The following ARHGAP15 variants were observed in gnomAD, a reference collection of about 807,000 sequenced individuals.
ARHGAP15 encodes the protein rho GTPase-activating protein 15.
In ARHGAP15, 51 loss-of-function variants were observed where a neutral mutation model predicts 63.7. The ratio of observed to expected loss-of-function variants is 0.80; its 90% CI spans 0.64 to 1.01. The LOEUF (loss-of-function observed/expected upper bound fraction) is 1.01, where lower values mean the gene tolerates loss of function less well. Among genes scored for constraint, ARHGAP15 ranks in the 50% least tolerant of loss-of-function variants. ARHGAP15 has a pLI of 0.00. For missense variants in ARHGAP15, 560 were observed against 564.6 expected (o/e 0.99, Z 0.08); for synonymous variants, 191 against 193.8 (o/e 0.99, Z 0.12).
At chr2:143,302,920 A>C (rs1682973825) in intron 6 of ARHGAP15, among the ~76,000 whole-genome samples, 2 of 152,076 alleles carry the variant, frequency 1.3e-5, no homozygotes, top group South Asian at 4.1e-4. Flanking sequence ...TAAGTATAAA[A>C]TTACAAGGTA....
chr2:143,735,394 A>C (rs1337227474), intron 13 of ARHGAP15, among the ~76,000 whole-genome samples: 1 of 152,168 alleles, frequency 6.6e-6, no homozygotes, highest in African/African-American at 2.4e-5. Context: ...ATTGCATAGA[A>C]TTTGTTTCTT....
At chr2:143,157,436 G>T (rs1349474444) in intron 2 of ARHGAP15, among the ~76,000 whole-genome samples, 2 of 151,740 alleles carry the variant, frequency 1.3e-5, no homozygotes, top group Non-Finnish European at 2.9e-5. Flanking sequence ...ACTTTAGTTT[G>T]GGGGGTTGTA....
intron 13 of ARHGAP15, among the ~76,000 whole-genome samples, chr2:143,727,091 T>TTCC (rs1685314357): frequency 6.6e-6 from 1 of 152,164 alleles, no homozygotes; most frequent in Non-Finnish European, 1.5e-5. Context: ...AAGCTTTGCC[T>TTCC]TCCAACTCCA....
At chr2:143,599,200 G>A (rs1222645438) in intron 11 of ARHGAP15, among the ~76,000 whole-genome samples, 1 of 152,104 alleles carries the variant, frequency 6.6e-6, no homozygotes, top group Non-Finnish European at 1.5e-5. Context: ...TCATGTATTT[G>A]TCTATTCACC....
At chr2:143,542,505 G>T (rs780411216) in intron 10 of ARHGAP15, among the ~76,000 whole-genome samples, 1 of 151,330 alleles carries the variant, frequency 6.6e-6, no homozygotes, top group African/African-American at 2.4e-5. Context: ...GTTCCTATTC[G>T]GCCATCTTGG....
intron 11 of ARHGAP15, among the ~76,000 whole-genome samples, chr2:143,580,350 A>G (rs2105142675): frequency 6.6e-6 from 1 of 152,274 alleles, no homozygotes; most frequent in East Asian, 1.9e-4. Flanking sequence ...AGAGGTCAAC[A>G]TATTCTCCAG....
chr2:143,282,075 T>A (rs1280120293), intron 6 of ARHGAP15, among the ~76,000 whole-genome samples: 1 of 152,124 alleles, frequency 6.6e-6, no homozygotes, highest in Non-Finnish European at 1.5e-5. Context: ...TTTAAAATTG[T>A]GTTTCTAATC....
intron 6 of ARHGAP15, among the ~76,000 whole-genome samples, chr2:143,277,474 C>A (rs1681617293): frequency 6.6e-6 from 1 of 151,848 alleles, no homozygotes; most frequent in South Asian, 2.1e-4. Context: ...ACAGATAGAA[C>A]TTTTACTTTT....
At chr2:143,545,994 G>T (rs1695312244) in intron 10 of ARHGAP15, among the ~76,000 whole-genome samples, 1 of 152,206 alleles carries the variant, frequency 6.6e-6, no homozygotes, top group Admixed American at 6.5e-5. Flanking sequence ...TTGCTGAAAG[G>T]CTAGAACAGC....
chr2:143,442,268 G>A (rs1013998367), intron 8 of ARHGAP15, among the ~76,000 whole-genome samples: 1 of 152,088 alleles, frequency 6.6e-6, no homozygotes, highest in East Asian at 1.9e-4. Context: ...GTTTTCACAA[G>A]GAAACCATGT....
At chr2:143,708,126 T>G (rs1476774376) in intron 13 of ARHGAP15, among the ~76,000 whole-genome samples, 1 of 152,146 alleles carries the variant, frequency 6.6e-6, no homozygotes, top group East Asian at 1.9e-4. Context: ...CTTGGCCAAT[T>G]CATTCAACTC....
At position 143,632,580 on chromosome 2, in the gene ARHGAP15, C is replaced by A. The variant is rs564392231; in HGVS notation, c.1138+8313C>A. Among the ~76,000 whole-genome samples, 3 of 152,186 alleles carry A rather than the reference C, an allele frequency of 2.0e-5. No homozygotes were observed. The South Asian group carries it at 6.2e-4, about 32-fold the overall frequency. The stretch of plus-strand genomic sequence containing the variant: ...AGATCAACTGAGCACCATTAAAATG[C>A]AGACTATTAGCCACCAAAAGTAGAG... On this transcript the variant is annotated intron_variant, in intron 12 of 13. Coordinates refer to ENST00000295095, the MANE Select transcript of ARHGAP15 (RefSeq NM_018460.4).
At chr2:143,628,222 A>T (rs1396701264) in intron 12 of ARHGAP15, among the ~76,000 whole-genome samples, 1 of 152,020 alleles carries the variant, frequency 6.6e-6, no homozygotes, top group Non-Finnish European at 1.5e-5. Context: ...TATCCAGTCC[A>T]CCATCACTGG....
At chr2:143,422,424 A>C (rs982594237) in intron 6 of ARHGAP15, among the ~76,000 whole-genome samples, 7 of 152,134 alleles carry the variant, frequency 4.6e-5, no homozygotes, top group Admixed American at 3.9e-4. Flanking sequence ...CAGGCAAAAA[A>C]CTATAGTTGG....
At chr2:143,685,878 A>G (rs550702230) in intron 12 of ARHGAP15, among the ~76,000 whole-genome samples, 2 of 152,320 alleles carry the variant, frequency 1.3e-5, no homozygotes, top group African/African-American at 4.8e-5. Flanking sequence ...GGCCAGGTCT[A>G]GTCCTATTCA....
chr2:143,621,894 C>G (rs1698659565), intron 11 of ARHGAP15, among the ~76,000 whole-genome samples: 1 of 152,104 alleles, frequency 6.6e-6, no homozygotes, highest in Non-Finnish European at 1.5e-5. Context: ...AAGTTAAAAT[C>G]ATTCTCTTTT....
intron 12 of ARHGAP15, among the ~76,000 whole-genome samples, chr2:143,656,920 A>G (rs2105311739): frequency 8.8e-6 from 1 of 113,762 alleles, no homozygotes; most frequent in Middle Eastern, 4.4e-3. Flanking sequence ...CAAGGTTTCT[A>G]AGACAAAGTT....
Position 143,498,848 on chromosome 2 carries a change from G to T in ARHGAP15, c.826+11353G>T, listed in dbSNP as rs1485275421. Among the ~76,000 whole-genome samples the T allele has an allele frequency of 2.6e-5, 4 of 152,106 alleles. No individual in the cohort carries two copies. In the East Asian group the frequency reaches 7.7e-4, roughly 29 times the overall value. ...AACCATATTTTCCAAACACAAAATT[G>T]AGACACATGGCCTGACAATGCCATA... On this transcript the variant is annotated intron_variant, in intron 9 of 13. Transcript: ENST00000295095.
At chr2:143,733,897 C>T (rs1018226259) in intron 13 of ARHGAP15, among the ~76,000 whole-genome samples, 1 of 152,044 alleles carries the variant, frequency 6.6e-6, no homozygotes, top group African/African-American at 2.4e-5. Context: ...ACAAAATTTT[C>T]TTAAAAAATT....
Sources: gnomAD v4.1 joint callset for allele counts (sites outside exome capture counted in the v4.1 genomes callset) on GRCh38, gnomAD v4.1.1 for gene constraint, MANE v1.5 for transcripts, NCBI Gene and HGNC (gene_info 2026-07-23, HGNC 2026-07-21) for gene names.